MTHFD2L: variants seen among roughly 807,000 people sequenced by gnomAD.
The protein encoded by MTHFD2L is bifunctional methylenetetrahydrofolate dehydrogenase/cyclohydrolase 2, mitochondrial.
MTHFD2L carries 29 observed loss-of-function variants against 34.9 expected under a neutral mutation model. The ratio of observed to expected loss-of-function variants is 0.83; its 90% CI spans 0.62 to 1.13. MTHFD2L has a LOEUF of 1.13. Among genes scored for constraint, MTHFD2L ranks in the 50% most tolerant of loss-of-function variants. The pLI, the probability that MTHFD2L is intolerant of heterozygous loss-of-function variation, is 0.00. For synonymous variants in MTHFD2L, 167 were observed against 155.7 expected, an observed-to-expected ratio of 1.07 and a Z score of -0.54; for missense variants, 481 against 446.5, an observed-to-expected ratio of 1.08 and a Z score of -0.70.
At chr4:74,152,546 T>C (rs1267655410) in intron 1 of MTHFD2L, among the ~76,000 whole-genome samples, 1 of 152,140 alleles carries the variant, frequency 6.6e-6, no homozygotes, top group Admixed American at 6.5e-5. Context: ...CTGGGATACA[T>C]GTGCAGAACA....
intron 7 of MTHFD2L, among the ~76,000 whole-genome samples, chr4:74,292,489 A>T (rs1393582627): frequency 6.6e-6 from 1 of 151,974 alleles, no homozygotes; most frequent in Non-Finnish European, 1.5e-5. Context: ...CTGCCAAGAG[A>T]TTTGGAGAGT....
In MTHFD2L at chr4:74,245,051, G is replaced by A. The variant is rs142845128; in HGVS notation, c.805+19657G>A. The stretch of plus-strand genomic sequence containing the variant: ...CTACTAAAAATACAAAAAAATTAGC[G>A]AGGCGTCGTGGCAGGCGCCTGTAGT... On this transcript the variant is annotated intron_variant, in intron 6 of 7. Transcript: ENST00000325278. Among the ~76,000 whole-genome samples the A allele has an allele frequency of 8.9e-3, 1,351 of 151,808 alleles. 27 individuals carry two copies. Among genetic ancestry groups the A allele is most frequent in the South Asian group, 0.066 (318 of 4,788 alleles).
chr4:74,159,613 T>C (rs1426157015), intron 1 of MTHFD2L, among the ~76,000 whole-genome samples: 5 of 152,206 alleles, frequency 3.3e-5, no homozygotes, highest in Non-Finnish European at 1.5e-5. Flanking sequence ...TGGAAGTCAT[T>C]ACAAACAACA....
chr4:74,135,960 G>A (rs1722891719), intron 1 of MTHFD2L, among the ~76,000 whole-genome samples: 1 of 151,934 alleles, frequency 6.6e-6, no homozygotes, highest in Non-Finnish European at 1.5e-5. Flanking sequence ...AACAAACTGG[G>A]CATAGAAGAA....
chr4:74,257,824 T>C (rs146109061), intron 6 of MTHFD2L, among the ~76,000 whole-genome samples: 2 of 152,204 alleles, frequency 1.3e-5, no homozygotes, highest in East Asian at 3.9e-4. Context: ...ACATATCTGA[T>C]AAGAGGTTAA....
upstream of MTHFD2L, among the ~76,000 whole-genome samples, chr4:74,124,809 C>A (rs1297722227): frequency 2.0e-5 from 3 of 152,034 alleles, no homozygotes; most frequent in Non-Finnish European, 4.4e-5. Context: ...TATTAAAGAA[C>A]TCAGAATTAT....
chr4:74,218,398 G>A (rs530268460), intron 5 of MTHFD2L, among the ~76,000 whole-genome samples: 2 of 152,172 alleles, frequency 1.3e-5, no homozygotes, highest in South Asian at 2.1e-4. Flanking sequence ...TGGTTTTTTA[G>A]CTTACTCAGC....
chr4:74,204,649 A>C (rs1355762376), intron 5 of MTHFD2L, among the ~76,000 whole-genome samples: 1 of 152,180 alleles, frequency 6.6e-6, no homozygotes, highest in Non-Finnish European at 1.5e-5. Context: ...GTATCAATAT[A>C]TTGCATGCTA....
intron 6 of MTHFD2L, chr4:74,268,032 A>G: frequency 2.0e-6 from 2 of 985,152 alleles, no homozygotes; most frequent in South Asian, 4.7e-5. Context: ...CATGATAGGC[A>G]TATCTGTTCA....
intron 6 of MTHFD2L, among the ~76,000 whole-genome samples, chr4:74,276,924 A>T (rs1746727714): frequency 6.6e-6 from 1 of 152,124 alleles, no homozygotes; most frequent in Non-Finnish European, 1.5e-5. Flanking sequence ...GGAAAGAAAG[A>T]GGATTTTTTT....
upstream of MTHFD2L, chr4:74,157,706 T>A (rs1357348890): frequency 2.2e-6 from 1 of 459,212 alleles, no homozygotes; most frequent in African/African-American, 2.0e-5. Context: ...ACCTATTACT[T>A]CTTTCCTGCT....
At chr4:74,290,192 A>C (rs1748702654) in intron 7 of MTHFD2L, among the ~76,000 whole-genome samples, 1 of 152,194 alleles carries the variant, frequency 6.6e-6, no homozygotes. Context: ...CATTCCTCAA[A>C]ATTCCAACCC....
intron 2 of MTHFD2L, among the ~76,000 whole-genome samples, chr4:74,117,138 C>T (rs930056556): frequency 2.6e-5 from 4 of 152,122 alleles, no homozygotes. Flanking sequence ...TGGGAAAGTC[C>T]ACAAGTGGAC....
chr4:74,140,907 G>T (rs1384766115), intron 1 of MTHFD2L, among the ~76,000 whole-genome samples: 5 of 152,110 alleles, frequency 3.3e-5, no homozygotes, highest in African/African-American at 1.2e-4. Flanking sequence ...CAAAACATGG[G>T]GATTATGGGA....
chr4:74,288,525 A>G (rs1366237498), intron 7 of MTHFD2L: 3 of 152,212 alleles, frequency 2.0e-5, no homozygotes, highest in Admixed American at 2.0e-4. Context: ...CTTAGGGTAG[A>G]AAAGAAAGAT....
chr4:74,271,954 A>G (rs1178883552), intron 6 of MTHFD2L, among the ~76,000 whole-genome samples: 1 of 152,082 alleles, frequency 6.6e-6, no homozygotes, highest in African/African-American at 2.4e-5. Flanking sequence ...TTAAGAGGGT[A>G]TTATGTAAGT....
intron 5 of MTHFD2L, among the ~76,000 whole-genome samples, chr4:74,215,507 C>T (rs754756636): frequency 9.2e-5 from 14 of 151,626 alleles, no homozygotes; most frequent in Non-Finnish European, 1.5e-4. Flanking sequence ...TGCTTCAGTT[C>T]GCCCTCTGTA....
intron 6 of MTHFD2L, among the ~76,000 whole-genome samples, chr4:74,253,702 T>G (rs940758800): frequency 2.0e-5 from 3 of 151,554 alleles, no homozygotes; most frequent in African/African-American, 7.3e-5. Flanking sequence ...CCAGGCTTGC[T>G]CATGCTGACA....
In MTHFD2L at chr4:74,302,601, T is replaced by G. The variant is rs1196756365; in HGVS notation, c.*792T>G. The G allele has an allele frequency of 6.6e-6, 1 of 152,072 alleles. No homozygotes were observed. The highest frequency in any genetic ancestry group is 2.4e-5 in the African/African-American group (1 of 41,426). The allele number at this position is 152,072 out of a possible 1,614,324, so 9.4% of individuals were successfully genotyped here. On this transcript the variant is annotated 3_prime_UTR_variant, in exon 8 of 8. Coordinates refer to ENST00000325278, the MANE Select transcript of MTHFD2L (RefSeq NM_001144978.3). The stretch of plus-strand genomic sequence containing the variant: ...TTTGGTTAGTACCTTCACTGAGCAA[T>G]AGTGGAAAAATAAAAAAATAAGTAA...
Sources: gnomAD v4.1 joint callset for allele counts (sites outside exome capture counted in the v4.1 genomes callset) on GRCh38, gnomAD v4.1.1 for gene constraint, MANE v1.5 for transcripts, NCBI Gene and HGNC (gene_info 2026-07-23, HGNC 2026-07-21) for gene names.